Variants in ZNF444 observed in about 807,000 individuals in gnomAD.
ZNF444 encodes endothelial zinc finger protein 2.
ZNF444 carries 8 observed loss-of-function variants against 14.4 expected under a neutral mutation model. That is an observed-to-expected ratio of 0.56 (90% CI 0.33 to 1.00). The LOEUF (loss-of-function observed/expected upper bound fraction) is 1.00. ZNF444 is among the 50% of genes least tolerant of loss of function. The probability of loss-of-function intolerance (pLI) is 0.03; values close to 1 mark genes in which losing one functional copy is unlikely to be tolerated. For synonymous variants in ZNF444, 258 were observed against 235.9 expected (o/e 1.09, Z -0.86); for missense variants, 510 against 504.8 (o/e 1.01, Z -0.10).
chr19:56,158,366 C>A (rs1043155139), intron 3 of ZNF444, 128 bp from the exon 4 acceptor site: 1 of 866,632 alleles, frequency 1.2e-6, no homozygotes, highest in Non-Finnish European at 1.7e-6. Context: ...GCTTCAGTGT[C>A]GCCCAGCATG....
chr19:56,143,837 G>T (rs573154693), intron 1 of ZNF444, among the ~76,000 whole-genome samples: 3 of 152,292 alleles, frequency 2.0e-5, no homozygotes, highest in South Asian at 2.1e-4. Flanking sequence ...GGGCACGTGG[G>T]TGCAGCATCG....
chr19:56,140,529 T>C (rs751553890), upstream of ZNF444, among the ~76,000 whole-genome samples: 3 of 152,138 alleles, frequency 2.0e-5, no homozygotes, highest in African/African-American at 4.8e-5. Context: ...GGCGGTGTCC[T>C]GTCCAGGTTC....
In ZNF444 at chr19:56,160,143, G is replaced by C; in HGVS notation, c.926G>C (p.Gly309Ala). 1.3e-6 allele frequency: 2 copies of C among 1,483,920 alleles called. No homozygotes were observed. Among genetic ancestry groups the C allele is most frequent in the Non-Finnish European group, 1.8e-6 (2 of 1,125,878 alleles). 91.9% of individuals were successfully genotyped at this position (1,483,920 alleles called of 1,614,324 possible). A position where few individuals can be genotyped will look rare whatever the true frequency, so the allele number is the denominator to read the frequency against. Residue 309 changes from glycine to alanine, a missense_variant, in exon 5 of 5, where the codon GGG (glycine) becomes GCG (alanine). By Grantham distance (60) the Gly-to-Ala change is moderately conservative (BLOSUM62 0). Coordinates refer to ENST00000337080, the MANE Select transcript of ZNF444 (RefSeq NM_018337.4). ...IHGRAAASAQGAVAPGPDGGG... is the reference protein window; with the variant it reads ...IHGRAAASAQAAVAPGPDGGG... ...GGCCGGGCAGCGGCCAGCGCGCAGGGGGCGGTAGCTCCGGGCCCGGATGGT... is the reference window on the plus strand; with the variant it reads ...GGCCGGGCAGCGGCCAGCGCGCAGGCGGCGGTAGCTCCGGGCCCGGATGGT...
Position 56,160,247 on chromosome 19 carries a change from G to T in ZNF444, c.*46G>T, listed in dbSNP as rs2032210984. On this transcript the variant is annotated 3_prime_UTR_variant, in exon 5 of 5. Coordinates refer to ENST00000337080, the MANE Select transcript of ZNF444 (RefSeq NM_018337.4). Reference sequence around the variant, plus strand: ...TCTCCCGCCCTTGGTGCTGCCCCCGGGCGGTACCTGCTCTCTCCCAGCGCC... The same window carrying T: ...TCTCCCGCCCTTGGTGCTGCCCCCGTGCGGTACCTGCTCTCTCCCAGCGCC... 1 of 1,378,498 alleles carries T rather than the reference G, an allele frequency of 7.3e-7. No homozygotes were observed. The highest frequency in any genetic ancestry group is 3.6e-5 in the Admixed American group (1 of 27,938). The allele number at this position is 1,378,498 out of a possible 1,614,324, so 85.4% of individuals were successfully genotyped here.
Position 56,147,166 on chromosome 19 carries a change from G to A in ZNF444, c.255G>A (p.Pro85=), listed in dbSNP as rs1357187656. The part of the protein sequence containing the change: ...DTQAWVCSRQ[P]QSGEEAVALL... ...AGGCCTGGGTGTGCAGCCGGCAGCC[G>A]CAGAGCGGGGAGGAGGCGGTGGCCC... The change falls in exon 3 of 5, where the codon CCG becomes CCA. Residue 85 remains proline (P), a synonymous_variant. Transcript: ENST00000337080. This position sits in a 1 kb window ranked among gnomAD's most constrained non-coding sequence, Gnocchi z 5.9. The A allele has an allele frequency of 2.7e-6, 4 of 1,499,032 alleles. No homozygotes were observed. The highest frequency in any genetic ancestry group is 2.9e-5 in the African/African-American group (2 of 70,164). The allele number at this position is 1,499,032 out of a possible 1,614,324, so 92.9% of individuals were successfully genotyped here. A position where few individuals can be genotyped will look rare whatever the true frequency, so the allele number is the denominator to read the frequency against.
intron 3 of ZNF444, among the ~76,000 whole-genome samples, chr19:56,149,609 G>A (rs568427429): frequency 6.6e-6 from 1 of 152,262 alleles, no homozygotes; most frequent in Non-Finnish European, 1.5e-5. Context: ...CATGCCTTAG[G>A]TGTTTGTCCT....
At chr19:56,153,880 T>A (rs1252193538) in intron 3 of ZNF444, among the ~76,000 whole-genome samples, 2 of 152,136 alleles carry the variant, frequency 1.3e-5, no homozygotes, top group Non-Finnish European at 2.9e-5. Context: ...GGGTAGCTGT[T>A]CAATGTAGAA....
chr19:56,144,326 A>G lies in ZNF444; in HGVS notation c.-196-1921A>G, dbSNP rs1415677623. On this transcript the variant is annotated intron_variant, in intron 1 of 4. Transcript: ENST00000337080. This position sits in a 1 kb window ranked among gnomAD's most constrained non-coding sequence, Gnocchi z 4.0. ...CCTGTCTTAAAAAAAAGAAAAAAGA[A>G]AAAAAGGGATCCATTGTGGCTGGAG... is the stretch of plus-strand genomic sequence containing the variant. 6.6e-6 allele frequency among the ~76,000 whole-genome samples: 1 copy of G among 152,050 alleles called. No individual in the cohort carries two copies. Among genetic ancestry groups the G allele is most frequent in the African/African-American group, 2.4e-5 (1 of 41,384 alleles).
upstream of ZNF444, among the ~76,000 whole-genome samples, chr19:56,139,420 G>C (rs576642659): frequency 6.6e-6 from 1 of 152,238 alleles, no homozygotes; most frequent in South Asian, 2.1e-4. Flanking sequence ...GGGCATGGTG[G>C]TTCACGCTTG....
At chr19:56,133,738 G>A (rs1257844798) in intron 1 of ZNF444, among the ~76,000 whole-genome samples, 6 of 148,706 alleles carry the variant, frequency 4.0e-5, no homozygotes, top group East Asian at 2.0e-4. Context: ...GCGTGAACCC[G>A]GAAGGCGGAG....
At chr19:56,134,934 A>T (rs577582919) in intron 1 of ZNF444, among the ~76,000 whole-genome samples, 6 of 149,872 alleles carry the variant, frequency 4.0e-5, no homozygotes, top group African/African-American at 1.2e-4. Context: ...TATTTCTTTA[A>T]AAAAAAAAAA....
rs547846187 is a variant in ZNF444 at position 56,145,066 on chromosome 19, G to A, written c.-196-1181G>A. Among the ~76,000 whole-genome samples the A allele has an allele frequency of 3.3e-5, 5 of 152,268 alleles. No individual in the cohort carries two copies. Among genetic ancestry groups the A allele is most frequent in the Non-Finnish European group, 7.3e-5 (5 of 68,046 alleles). ...GTGGACAGCGCGTGAGCAAGTGGGC[G>A]TGGATGTGCGCCAGTGAGACTTAAG... On this transcript the variant is annotated intron_variant, in intron 1 of 4. Transcript: ENST00000337080. The surrounding 1 kb of genome is among the most constrained non-coding windows in gnomAD (Gnocchi z 4.3).
chr19:56,149,548 C>T (rs2031446883), intron 3 of ZNF444, among the ~76,000 whole-genome samples: 1 of 152,140 alleles, frequency 6.6e-6, no homozygotes, highest in African/African-American at 2.4e-5. Flanking sequence ...GTTACATGTG[C>T]CATGAAGGTT....
At chr19:56,134,690 T>C (rs2030571317) in intron 1 of ZNF444, among the ~76,000 whole-genome samples, 2 of 152,128 alleles carry the variant, frequency 1.3e-5, no homozygotes, top group Admixed American at 1.3e-4. Flanking sequence ...CCAAGATTTA[T>C]GGCCCACTTA....
chr19:56,132,935 C>CTTTTTTTTTTTTTTTTTTTTTTTTTTT (rs61365745), intron 1 of ZNF444, among the ~76,000 whole-genome samples: 4 of 94,260 alleles, frequency 4.2e-5, no homozygotes, highest in Non-Finnish European at 5.7e-5. Context: ...TTCTTTCTTT[C>CTTTTTTTTTTTTTTTTTTTTTTTTTTT]TTTTTTTTTT....
intron 3 of ZNF444, chr19:56,151,995 CCTGTA>C (rs2031610390): frequency 6.7e-6 from 3 of 447,284 alleles, no homozygotes. Flanking sequence ...AGGAGAGGCT[CCTGTA>C]CTGGTAGAAA....
upstream of ZNF444, among the ~76,000 whole-genome samples, chr19:56,138,237 A>T (rs1399263891): frequency 1.3e-5 from 2 of 152,228 alleles, no homozygotes; most frequent in Non-Finnish European, 2.9e-5. Context: ...TACAACATGG[A>T]TTAACCTTGA....
chr19:56,140,150 T>A (rs2030718773), upstream of ZNF444, among the ~76,000 whole-genome samples: 1 of 152,150 alleles, frequency 6.6e-6, no homozygotes, highest in Admixed American at 6.6e-5. Flanking sequence ...TTCCATGTAA[T>A]GAATGCTTGT....
rs1277640548 is a variant in ZNF444 at position 56,144,451 on chromosome 19, C to G, written c.-196-1796C>G. Among the ~76,000 whole-genome samples the G allele has an allele frequency of 1.3e-5, 2 of 152,094 alleles. No homozygotes were observed. Among genetic ancestry groups the G allele is most frequent in the East Asian group, 3.8e-4 (2 of 5,196 alleles). ...TTTGGGTTTTGAGCATCACAGGAAG[C>G]AGTTGGAGGGCACTGAGCAAGGAAG... is the stretch of plus-strand genomic sequence containing the variant. On this transcript the variant is annotated intron_variant, in intron 1 of 4. Transcript: ENST00000337080. This position sits in a 1 kb window ranked among gnomAD's most constrained non-coding sequence, Gnocchi z 4.0.
Sources: gnomAD v4.1 joint callset for allele counts (sites outside exome capture counted in the v4.1 genomes callset) on GRCh38, gnomAD v4.1.1 for gene constraint, Gnocchi (gnomAD v3.1) non-coding constraint, MANE v1.5 for transcripts, NCBI Gene and HGNC (gene_info 2026-07-23, HGNC 2026-07-21) for gene names.